Variants in PDGFD observed in about 807,000 individuals in gnomAD.
PDGFD encodes platelet-derived growth factor D.
Under a neutral mutation model 44.7 loss-of-function variants are expected in PDGFD, and 30 were observed. That is an observed-to-expected ratio of 0.67 (90% CI 0.50 to 0.91). PDGFD has a LOEUF of 0.91. Among genes scored for constraint, PDGFD ranks in the 40% least tolerant of loss-of-function variants. The pLI is 0.00. For missense variants in PDGFD, 445 were observed against 457.8 expected, an observed-to-expected ratio of 0.97 and a Z score of 0.25; for synonymous variants, 173 against 168.4, an observed-to-expected ratio of 1.03 and a Z score of -0.21.
intron 4 of PDGFD, 73 bp from the exon 5 acceptor site, chr11:103,943,723 A>T: frequency 7.8e-7 from 1 of 1,289,986 alleles, no homozygotes; most frequent in South Asian, 1.3e-5. Flanking sequence ...ATTCAACTAT[A>T]CGGAAGGAAC....
At chr11:103,960,727 T>C (rs776395102) in intron 3 of PDGFD, among the ~76,000 whole-genome samples, 3 of 152,192 alleles carry the variant, frequency 2.0e-5, no homozygotes, top group Admixed American at 6.5e-5. Context: ...CCATAGGATA[T>C]GTAACTTGTA....
intron 1 of PDGFD, among the ~76,000 whole-genome samples, chr11:104,143,166 G>T (rs1220835783): frequency 6.6e-6 from 1 of 152,124 alleles, no homozygotes; most frequent in Middle Eastern, 3.2e-3. Flanking sequence ...GGTCTGCTGT[G>T]TTTTTAAATG....
At chr11:104,113,552 A>G (rs1861591118) in intron 1 of PDGFD, among the ~76,000 whole-genome samples, 1 of 151,166 alleles carries the variant, frequency 6.6e-6, no homozygotes, top group Non-Finnish European at 1.5e-5. Context: ...AGTTTTGGCA[A>G]TTATGAACAT....
chr11:104,074,328 G>A (rs1860922802), intron 1 of PDGFD, among the ~76,000 whole-genome samples: 1 of 152,186 alleles, frequency 6.6e-6, no homozygotes, highest in Non-Finnish European at 1.5e-5. Flanking sequence ...TATACACTTT[G>A]AGGTAGTTTG....
chr11:104,156,271 C>T (rs538430600), intron 1 of PDGFD, among the ~76,000 whole-genome samples: 1 of 152,038 alleles, frequency 6.6e-6, no homozygotes, highest in Non-Finnish European at 1.5e-5. Context: ...GGTGGGATTG[C>T]GTGAGCACAG....
chr11:103,987,076 C>T (rs1370384467), intron 3 of PDGFD, among the ~76,000 whole-genome samples: 1 of 123,582 alleles, frequency 8.1e-6, no homozygotes, highest in Non-Finnish European at 1.7e-5. Context: ...CCCCCCCCCA[C>T]CCCAAACAAA....
intron 1 of PDGFD, among the ~76,000 whole-genome samples, chr11:104,112,286 A>T (rs1297335629): frequency 2.0e-5 from 3 of 152,010 alleles, no homozygotes; most frequent in Non-Finnish European, 4.4e-5. Context: ...ATGATCAGTA[A>T]TGTTGAGCTT....
rs1423294718 is a variant in PDGFD at position 104,163,822 on chromosome 11, C to T, written c.106G>A (p.Ala36Thr). Reference sequence around the variant, plus strand: ...CTCTTACCATCTCGCCTGAGGTTGGCGTTGCGCAAAGCTTTGATGGATGCG... The same window carrying T: ...CTCTTACCATCTCGCCTGAGGTTGGTGTTGCGCAAAGCTTTGATGGATGCG... ...QSASIKALRN[A>T]NLRRDESNHL... is the part of the protein sequence containing the mutation. The change falls in exon 1 of 7, where the codon GCC becomes ACC. Residue 36 changes from alanine to threonine, a missense_variant. Physicochemically the swap from Ala to Thr is moderately conservative, Grantham distance 58. Coordinates refer to ENST00000393158, the MANE Select transcript of PDGFD (RefSeq NM_025208.5). 3.9e-6 allele frequency: 6 copies of T among 1,549,544 alleles called. No homozygotes were observed. Among genetic ancestry groups the T allele is most frequent in the Non-Finnish European group, 5.3e-6 (6 of 1,135,700 alleles).
At chr11:104,000,306 A>G (rs766072608) in intron 1 of PDGFD, 51 bp from the exon 2 acceptor site, 3 of 1,451,536 alleles carry the variant, frequency 2.1e-6, no homozygotes, top group Non-Finnish European at 2.9e-6. Flanking sequence ...CAATTACAGG[A>G]AAGTCAAAAA....
rs550032827 is a variant in PDGFD at position 103,920,729 on chromosome 11, C to G, written c.987+6183G>C. Among the ~76,000 whole-genome samples, 4 of 152,292 alleles carry G rather than the reference C, an allele frequency of 2.6e-5. No homozygotes were observed. In the East Asian group the frequency reaches 7.7e-4, roughly 29 times the overall value. The stretch of plus-strand genomic sequence containing the variant: ...ATAGTCTTCAGATGCCTTCATTCAC[C>G]CAGTATCCCCAGGTGGTAAGAAGCA... On this transcript the variant is annotated intron_variant, in intron 6 of 6. Coordinates refer to ENST00000393158, the MANE Select transcript of PDGFD (RefSeq NM_025208.5).
intron 1 of PDGFD, among the ~76,000 whole-genome samples, chr11:104,059,177 A>G (rs1196599321): frequency 6.6e-6 from 1 of 152,180 alleles, no homozygotes; most frequent in Non-Finnish European, 1.5e-5. Flanking sequence ...TTTCAATGGC[A>G]AAAAAGAGTA....
chr11:103,982,998 A>G (rs1859296323), intron 3 of PDGFD, among the ~76,000 whole-genome samples: 1 of 151,774 alleles, frequency 6.6e-6, no homozygotes, highest in African/African-American at 2.4e-5. Context: ...CTGCCCAAAG[A>G]AATTTATAGA....
intron 1 of PDGFD, among the ~76,000 whole-genome samples, chr11:104,107,669 T>G (rs1367576669): frequency 6.6e-6 from 1 of 152,178 alleles, no homozygotes; most frequent in Non-Finnish European, 1.5e-5. Context: ...TTTTCACCAA[T>G]AACAAAATTC....
intron 1 of PDGFD, among the ~76,000 whole-genome samples, chr11:104,109,247 C>T (rs1185031154): frequency 1.3e-5 from 2 of 151,818 alleles, no homozygotes; most frequent in East Asian, 3.9e-4. Context: ...ACAAAGAACA[C>T]AAGTGAAAGT....
At chr11:103,921,536 C>A (rs1591077011) in intron 6 of PDGFD, among the ~76,000 whole-genome samples, 1 of 151,584 alleles carries the variant, frequency 6.6e-6, no homozygotes, top group Admixed American at 6.6e-5. Flanking sequence ...TCCTGATAAA[C>A]CCATTGGAGG....
chr11:104,120,313 C>A (rs1160556443), intron 1 of PDGFD, among the ~76,000 whole-genome samples: 1 of 151,656 alleles, frequency 6.6e-6, no homozygotes, highest in Non-Finnish European at 1.5e-5. Context: ...GTTTACCATG[C>A]CACTGGATTA....
chr11:104,017,719 T>C (rs1432738788), intron 1 of PDGFD, among the ~76,000 whole-genome samples: 1 of 152,194 alleles, frequency 6.6e-6, no homozygotes, highest in African/African-American at 2.4e-5. Flanking sequence ...TCAAGGGACA[T>C]TGCTTATGTC....
At chr11:104,083,722 T>C (rs1861080470) in intron 1 of PDGFD, among the ~76,000 whole-genome samples, 1 of 152,198 alleles carries the variant, frequency 6.6e-6, no homozygotes, top group African/African-American at 2.4e-5. Flanking sequence ...AGAACACTGA[T>C]AGTGAAGGAA....
At chr11:103,910,697 C>T (rs550258352) in intron 6 of PDGFD, among the ~76,000 whole-genome samples, 14 of 152,266 alleles carry the variant, frequency 9.2e-5, no homozygotes, top group Middle Eastern at 6.8e-3. Flanking sequence ...CCGAGCTAGC[C>T]GCAGCAGTTT....
Sources: allele counts gnomAD v4.1 joint callset (sites outside exome capture counted in the v4.1 genomes callset), GRCh38; gene constraint gnomAD v4.1.1; transcripts MANE v1.5; gene names NCBI Gene and HGNC (gene_info 2026-07-23, HGNC 2026-07-21).